Variants in RPS6KA2 observed in about 807,000 individuals in gnomAD.
RPS6KA2 encodes ribosomal protein S6 kinase alpha-2.
Under a neutral mutation model 91.8 loss-of-function variants are expected in RPS6KA2, and 42 were observed. That is an observed-to-expected ratio of 0.46 (90% CI 0.36 to 0.59). The LOEUF is 0.59. Ranked by LOEUF, RPS6KA2 falls within the 20% of genes least tolerant of loss-of-function variation. RPS6KA2 has a pLI of 0.00. For missense variants in RPS6KA2, 798 were observed against 978.5 expected (o/e 0.82, Z 2.46); for synonymous variants, 414 against 393.6 (o/e 1.05, Z -0.61).
chr6:166,498,331 G>A (rs530086695), intron 8 of RPS6KA2, among the ~76,000 whole-genome samples, 177 bp downstream of exon 8: 7 of 152,352 alleles, frequency 4.6e-5, no homozygotes, highest in African/African-American at 1.7e-4. Context: ...TCTGATGGTG[G>A]GGATGTGGGA....
chr6:166,752,149 G>A (rs1023087436), intron 2 of RPS6KA2, among the ~76,000 whole-genome samples: 2 of 152,196 alleles, frequency 1.3e-5, no homozygotes, highest in East Asian at 1.9e-4. Context: ...TAAAGACATC[G>A]TTTCTAACTA....
intron 1 of RPS6KA2, among the ~76,000 whole-genome samples, chr6:166,858,907 C>T (rs1445121873): frequency 3.3e-5 from 5 of 151,880 alleles, no homozygotes; most frequent in Non-Finnish European, 7.4e-5. Flanking sequence ...GAGAGCTCCA[C>T]GGAAGAACAC....
At chr6:166,637,559 G>A (rs1007852729) in intron 2 of RPS6KA2, among the ~76,000 whole-genome samples, 5 of 152,250 alleles carry the variant, frequency 3.3e-5, no homozygotes, top group African/African-American at 9.6e-5. Flanking sequence ...GCCTGCGCAG[G>A]TCTCTGAAAG....
chr6:166,453,094 G>C (rs1171196638), intron 12 of RPS6KA2, among the ~76,000 whole-genome samples: 1 of 151,996 alleles, frequency 6.6e-6, no homozygotes, highest in Non-Finnish European at 1.5e-5. Context: ...CCAGCTGCTT[G>C]GGAGGCTGAG....
intron 1 of RPS6KA2, among the ~76,000 whole-genome samples, chr6:166,589,635 A>G (rs1785294252): frequency 6.6e-6 from 1 of 152,192 alleles, no homozygotes; most frequent in Admixed American, 6.5e-5. Flanking sequence ...AAACTGGGAA[A>G]TTGAACTTTC....
intron 2 of RPS6KA2, among the ~76,000 whole-genome samples, chr6:166,772,918 G>A (rs768688560): frequency 2.6e-5 from 4 of 152,154 alleles, no homozygotes; most frequent in Admixed American, 6.5e-5. Flanking sequence ...AATTAAACAG[G>A]GGAATCTGGA....
At chr6:166,783,562 A>G (rs954012647) in intron 2 of RPS6KA2, among the ~76,000 whole-genome samples, 2 of 151,548 alleles carry the variant, frequency 1.3e-5, no homozygotes, top group African/African-American at 4.9e-5. Flanking sequence ...ATACATACAT[A>G]TCTAAAATTT....
chr6:166,600,045 T>C (rs1785676344), intron 1 of RPS6KA2, among the ~76,000 whole-genome samples: 1 of 152,166 alleles, frequency 6.6e-6, no homozygotes. Context: ...TCTTGCTCCA[T>C]AGCTGAGGCT....
intron 10 of RPS6KA2, 42 bp from the exon 11 acceptor site, chr6:166,469,947 T>C: frequency 6.5e-7 from 1 of 1,536,246 alleles, no homozygotes; most frequent in Non-Finnish European, 9.0e-7. Context: ...AAATCCAAGA[T>C]GGGGTTCTCT....
At chr6:166,824,535 T>C (rs1779984198) in intron 2 of RPS6KA2, among the ~76,000 whole-genome samples, 1 of 152,152 alleles carries the variant, frequency 6.6e-6, no homozygotes, top group Non-Finnish European at 1.5e-5. Flanking sequence ...TGAGGGCATG[T>C]GTGTGTGAGT....
At chr6:166,514,609 C>G (rs2128484601) in intron 3 of RPS6KA2, among the ~76,000 whole-genome samples, 1 of 152,210 alleles carries the variant, frequency 6.6e-6, no homozygotes, top group South Asian at 2.1e-4. Context: ...GCCTGGGGAG[C>G]CAAGAGACCA....
chr6:166,422,380 C>T (rs916402014), intron 17 of RPS6KA2, among the ~76,000 whole-genome samples: 2 of 152,160 alleles, frequency 1.3e-5, no homozygotes, highest in African/African-American at 2.4e-5. Context: ...CCAAGACCCA[C>T]AGTGAGATGC....
At chr6:166,854,646 C>T (rs923461383) in intron 2 of RPS6KA2, among the ~76,000 whole-genome samples, 6 of 152,142 alleles carry the variant, frequency 3.9e-5, no homozygotes, top group Non-Finnish European at 7.3e-5. Context: ...AGGCATGAAA[C>T]GTTTATCAGT....
chr6:166,856,997 T>C (rs1234713245), intron 2 of RPS6KA2, among the ~76,000 whole-genome samples: 1 of 152,200 alleles, frequency 6.6e-6, no homozygotes, highest in Non-Finnish European at 1.5e-5. Context: ...ACTCCCAGAT[T>C]AGTGAAAATG....
chr6:166,605,244 C>T (rs2128528912), intron 1 of RPS6KA2, among the ~76,000 whole-genome samples: 1 of 152,350 alleles, frequency 6.6e-6, no homozygotes, highest in South Asian at 2.1e-4. Context: ...TCTAAAGCCA[C>T]ATTGTGTTTG....
chr6:166,756,685 T>TA lies in RPS6KA2; in HGVS notation c.123+101514dup, dbSNP rs1778018794. On this transcript the variant is annotated intron_variant, in intron 2 of 21. Transcript: ENST00000503859. ...CAACATGGAGAAACCCCATCTCTAC[T>TA]AAAATACAAAATTAGCCAGGCATGG... 2.0e-5 allele frequency among the ~76,000 whole-genome samples: 3 copies of TA among 151,712 alleles called. No individual in the cohort carries two copies. In the South Asian group the frequency reaches 6.2e-4, roughly 32 times the overall value.
chr6:166,412,801 C>G lies in RPS6KA2; in HGVS notation c.2163G>C (p.Gln721His). Residue 721 changes from glutamine to histidine, a missense_variant, in exon 21 of 21, where the codon CAG (glutamine) becomes CAC (histidine). Coordinates refer to ENST00000265678, the MANE Select transcript of RPS6KA2 (RefSeq NM_021135.6). The surrounding 1 kb of genome is among the most constrained non-coding windows in gnomAD (Gnocchi z 4.3). Reference sequence around the variant, plus strand: ...ACGTGAGTCTCTTCATGCCTCTGCGCTGAGCCAGGTTGGATGACAGCACGG... The same window carrying G: ...ACGTGAGTCTCTTCATGCCTCTGCGGTGAGCCAGGTTGGATGACAGCACGG... ...LEPVLSSNLA[Q>H]RRGMKRLTST... 1 of 1,595,118 alleles carries G rather than the reference C, an allele frequency of 6.3e-7. No homozygotes were observed. The highest frequency in any genetic ancestry group is 8.5e-7 in the Non-Finnish European group (1 of 1,172,180).
At chr6:166,604,811 G>T (rs573196362) in intron 1 of RPS6KA2, among the ~76,000 whole-genome samples, 5 of 152,294 alleles carry the variant, frequency 3.3e-5, no homozygotes, top group African/African-American at 1.2e-4. Flanking sequence ...ACCTACCAGG[G>T]CTCTGTGCGC....
chr6:166,698,593 A>T (rs1414968827), intron 2 of RPS6KA2, among the ~76,000 whole-genome samples: 1 of 152,240 alleles, frequency 6.6e-6, no homozygotes, highest in Non-Finnish European at 1.5e-5. Context: ...CATGGAGAAC[A>T]GGAAACACTC....
Sources: allele counts gnomAD v4.1 joint callset (sites outside exome capture counted in the v4.1 genomes callset), GRCh38; gene constraint gnomAD v4.1.1; non-coding constraint Gnocchi (gnomAD v3.1); transcripts MANE v1.5; gene names NCBI Gene and HGNC (gene_info 2026-07-23, HGNC 2026-07-21).